Variants in CCDC154 observed in about 807,000 individuals in gnomAD.
The protein encoded by CCDC154 is coiled-coil domain-containing protein 154.
A neutral mutation model predicts 87.5 loss-of-function variants in CCDC154; 91 were observed. That is an observed-to-expected ratio of 1.04 (90% CI 0.88 to 1.24). CCDC154 has a LOEUF of 1.24. Among genes scored for constraint, CCDC154 ranks in the 50% most tolerant of loss-of-function variants. The pLI, the probability that CCDC154 is intolerant of heterozygous loss-of-function variation, is 0.00. For missense variants in CCDC154, 903 were observed against 879.2 expected (o/e 1.03, Z -0.34); for synonymous variants, 418 against 400.4 (o/e 1.04, Z -0.52).
chr16:1,434,571 G>A (rs772323459), intron 16 of CCDC154, 37 bp from the exon 17 acceptor site: 44 of 723,714 alleles, frequency 6.1e-5, no homozygotes, highest in East Asian at 1.5e-4. Context: ...CTGCACCCCC[G>A]CCCCACCCCC....
At chr16:1,439,004 C>A in intron 7 of CCDC154, 21 bp downstream of exon 7, 1 of 1,550,080 alleles carries the variant, frequency 6.5e-7, no homozygotes, top group Non-Finnish European at 8.7e-7. Flanking sequence ...CAGGGCAGGC[C>A]AGCCGCGGGC....
chr16:1,435,102 G>C lies in CCDC154; in HGVS notation c.1679C>G (p.Thr560Ser). The change falls in exon 15 of 17, where the codon ACT becomes AGT. Residue 560 changes from threonine (T) to serine (S), a missense_variant. By Grantham distance (58) the Thr-to-Ser change is moderately conservative. Coordinates refer to ENST00000389176, the MANE Select transcript of CCDC154 (RefSeq NM_001143980.3). ...NKTIQNLRFNTEARLRTQEMA... is the reference protein window; with the variant it reads ...NKTIQNLRFNSEARLRTQEMA... ...AGGCCTCCTCACCAGCCGGGCCTCA[G>C]TGTTGAACCTGAGGTTCTGGATGGT... is the stretch of plus-strand genomic sequence containing the variant. 6.5e-7 allele frequency: 1 copy of C among 1,549,792 alleles called. No individual in the cohort carries two copies. The highest frequency in any genetic ancestry group is 8.7e-7 in the Non-Finnish European group (1 of 1,146,794).
Position 1,438,687 on chromosome 16 carries a change from C to T in CCDC154, c.957G>A (p.Gln319=), listed in dbSNP as rs1384252211. Residue 319 remains glutamine, a synonymous_variant, in exon 9 of 17, where the codon CAG becomes CAA. Coordinates refer to ENST00000389176, the MANE Select transcript of CCDC154 (RefSeq NM_001143980.3). ...GGTTCTGCTGCACAAACTTGGTCAG[C>T]TGGGCCACGGCAGCATCCAGGCCCT... ...QCQGLDAAVA[Q]LTKFVQQNQA... The T allele has an allele frequency of 2.1e-5, 33 of 1,549,988 alleles. No homozygotes were observed. The highest frequency in any genetic ancestry group is 2.7e-5 in the African/African-American group (2 of 73,048).
Position 1,436,035 on chromosome 16 carries a change from G to A in CCDC154, c.1539C>T (p.Ser513=), listed in dbSNP as rs574497448. 151 of 1,550,366 alleles carry A rather than the reference G, an allele frequency of 9.7e-5. No individual in the cohort carries two copies. The highest frequency in any genetic ancestry group is 4.1e-4 in the Admixed American group (21 of 51,008). Residue 513 remains serine, a synonymous_variant, in exon 14 of 17, where the codon TCC becomes TCT. Transcript: ENST00000389176. ...GGTTGTCTTCCTTTAGCAGCTGCAC[G>A]GATGATAGTAGCGTGGCCAGCTCCT... ...LRQELATLLS[S]VQLLKEDNPG... is the part of the protein sequence containing the mutation.
chr16:1,443,094 G>A, intron 4 of CCDC154, 119 bp from the exon 5 acceptor site: 1 of 1,394,300 alleles, frequency 7.2e-7, no homozygotes, highest in Non-Finnish European at 9.9e-7. Context: ...GCCTCTGAAG[G>A]CCGCCCAGGC....
At chr16:1,439,456 C>T in intron 6 of CCDC154, 1 of 371,204 alleles carries the variant, frequency 2.7e-6, no homozygotes, top group Non-Finnish European at 4.9e-6. Context: ...GAGTGTCGTG[C>T]AGGTGTCCCC....
Position 1,438,069 on chromosome 16 carries a change from A to G in CCDC154, c.1133T>C (p.Met378Thr). ...CCTCACCAGCACCAGCTCTCCATGC[A>G]TCTCCTGCCGGGCCAGCTCGCCAGC... ...QLAGELARQE[M>T]HGELVLLREK... Residue 378 changes from methionine to threonine, a missense_variant, in exon 10 of 17, where the codon ATG (methionine) becomes ACG (threonine). Transcript: ENST00000389176. 1.9e-6 allele frequency: 3 copies of G among 1,548,286 alleles called. No homozygotes were observed. Among genetic ancestry groups the G allele is most frequent in the Non-Finnish European group, 2.6e-6 (3 of 1,145,750 alleles).
chr16:1,443,798 C>T lies in CCDC154; in HGVS notation c.222G>A (p.Gln74=), dbSNP rs1237565552. The change falls in exon 2 of 17, where the codon CAG becomes CAA. Residue 74 remains glutamine, a splice_region_variant and synonymous_variant. Coordinates refer to ENST00000389176, the MANE Select transcript of CCDC154 (RefSeq NM_001143980.3). The part of the protein sequence containing the change: ...DTAKHWNQLE[Q]WVVELQAEVA... Reference sequence around the variant, plus strand: ...CCAGCACCCCCTGCAGGGCTCACCACTGCTCCAGCTGGTTCCAGTGCTTGG... The same window carrying T: ...CCAGCACCCCCTGCAGGGCTCACCATTGCTCCAGCTGGTTCCAGTGCTTGG... 2 of 1,304,984 alleles carry T rather than the reference C, an allele frequency of 1.5e-6. No homozygotes were observed. Among genetic ancestry groups the T allele is most frequent in the Non-Finnish European group, 2.0e-6 (2 of 989,744 alleles). The allele number at this position is 1,304,984 out of a possible 1,614,324, so 80.8% of individuals were successfully genotyped here.
At chr16:1,441,944 A>C (rs2038555884) in intron 6 of CCDC154, among the ~76,000 whole-genome samples, 1 of 151,714 alleles carries the variant, frequency 6.6e-6, no homozygotes, top group African/African-American at 2.4e-5. Context: ...GTTTTTTGAA[A>C]TGGAGTCTCA....
rs568118410 is a variant in CCDC154, at chr16:1,435,756, C to T, written c.1605+213G>A. On this transcript the variant is annotated intron_variant, in intron 14 of 16. Transcript: ENST00000389176. ...GGTCAGGCGGGTCTCAAACTCCTGA[C>T]CTCAGGTGATCCACCCGCCTCGGCC... Among the ~76,000 whole-genome samples, 49 of 152,224 alleles carry T rather than the reference C, an allele frequency of 3.2e-4. No homozygotes were observed. In the East Asian group the frequency reaches 9.3e-3, roughly 29 times the overall value.
rs1252549667 is a variant in CCDC154 at position 1,434,793 on chromosome 16, G to A, written c.1752C>T (p.Gly584=). ...ESVLRLWSEE[G]PRTPLGSWKA... ...TCCAGCTGCCCAGCGGCGTCCGCGG[G>A]CCCTCCTCACTCCACAGCCGGAGCA... Residue 584 remains glycine (G), a synonymous_variant, in exon 16 of 17, where the codon GGC becomes GGT. Coordinates refer to ENST00000389176, the MANE Select transcript of CCDC154 (RefSeq NM_001143980.3). 22 of 1,540,332 alleles carry A rather than the reference G, an allele frequency of 1.4e-5. No individual in the cohort carries two copies. In the East Asian group the frequency reaches 5.4e-4, roughly 38 times the overall value.
intron 11 of CCDC154, 154 bp downstream of exon 11, chr16:1,437,663 G>A (rs901145447): frequency 9.8e-5 from 91 of 928,512 alleles, no homozygotes; most frequent in African/African-American, 3.1e-4. Context: ...TCTGGGGCTC[G>A]GGGTCTCCCA....
intron 4 of CCDC154, 36 bp downstream of exon 4, chr16:1,443,225 G>A (rs112357662): frequency 2.9e-5 from 45 of 1,544,500 alleles, no homozygotes; most frequent in African/African-American, 4.1e-5. Context: ...CCACCTCCCC[G>A]CCCTGGGCCT....
chr16:1,437,770 G>A lies in CCDC154; in HGVS notation c.1290+47C>T, dbSNP rs567602674. 1.6e-4 allele frequency: 238 copies of A among 1,493,854 alleles called. 4 individuals carry two copies. The South Asian group carries it at 2.8e-3, about 17-fold the overall frequency. The allele number at this position is 1,493,854 out of a possible 1,614,324, so 92.5% of individuals were successfully genotyped here. On this transcript the variant is annotated intron_variant, in intron 11 of 16. Transcript: ENST00000389176. ...GTGGTGGGCTGAGAGCTGGAGGGGT[G>A]GGGACTCCCCATAGCCCCGCCTGCC... is the stretch of plus-strand genomic sequence containing the variant.
At chr16:1,437,992 G>A (rs1404040401) in intron 10 of CCDC154, 38 bp from the exon 11 acceptor site, 11 of 1,537,098 alleles carry the variant, frequency 7.2e-6, no homozygotes, top group Non-Finnish European at 9.7e-6. Flanking sequence ...GCCTGGCTGA[G>A]CGCCCATCCC....
rs1243648381 is a variant in CCDC154, at chr16:1,444,004, C to T, written c.16G>A (p.Asp6Asn). 1.5e-6 allele frequency: 2 copies of T among 1,299,888 alleles called. No individual in the cohort carries two copies. Among genetic ancestry groups the T allele is most frequent in the South Asian group, 2.5e-5 (2 of 81,032 alleles). The allele number at this position is 1,299,888 out of a possible 1,614,324, so 80.5% of individuals were successfully genotyped here. A position where few individuals can be genotyped will look rare whatever the true frequency, so the allele number is the denominator to read the frequency against. The change falls in exon 2 of 17, where the codon GAC becomes AAC. Residue 6 changes from aspartate (D) to asparagine (N), a missense_variant. Coordinates refer to ENST00000389176, the MANE Select transcript of CCDC154 (RefSeq NM_001143980.3). MSELA[D>N]SGPSGASAPS... ...GCCGATGCCCCTGAGGGTCCACTGTCAGCCAACTCTACAAGGAGGCATCTT... is the reference window on the plus strand; with the variant it reads ...GCCGATGCCCCTGAGGGTCCACTGTTAGCCAACTCTACAAGGAGGCATCTT...
At chr16:1,443,347 C>T (rs975415718) in intron 3 of CCDC154, 46 bp from the exon 4 acceptor site, 7 of 1,531,506 alleles carry the variant, frequency 4.6e-6, no homozygotes, top group Non-Finnish European at 6.1e-6. Flanking sequence ...AGGCCCGGGT[C>T]TGGCACCTGC....
intron 2 of CCDC154, 26 bp downstream of exon 2, chr16:1,443,770 C>T (rs1346743562): frequency 2.3e-6 from 3 of 1,304,812 alleles, no homozygotes; most frequent in Non-Finnish European, 3.0e-6. Context: ...TGGTCCTCCC[C>T]CGCCAGCACC....
rs770923765 is a variant in CCDC154, at chr16:1,444,016, C to G, written c.8-4G>C. ...GAGGGTCCACTGTCAGCCAACTCTA[C>G]AAGGAGGCATCTTGGGAGCTTGCCC... On this transcript the variant is annotated splice_polypyrimidine_tract_variant and splice_region_variant and intron_variant, in intron 1 of 16. Coordinates refer to ENST00000389176, the MANE Select transcript of CCDC154 (RefSeq NM_001143980.3). 5.4e-6 allele frequency: 7 copies of G among 1,297,992 alleles called. No individual in the cohort carries two copies. Among genetic ancestry groups the G allele is most frequent in the Non-Finnish European group, 6.1e-6 (6 of 988,774 alleles). The allele number at this position is 1,297,992 out of a possible 1,614,324, so 80.4% of individuals were successfully genotyped here. A position where few individuals can be genotyped will look rare whatever the true frequency, so the allele number is the denominator to read the frequency against.
Sources: gnomAD v4.1 joint callset for allele counts (sites outside exome capture counted in the v4.1 genomes callset) on GRCh38, gnomAD v4.1.1 for gene constraint, MANE v1.5 for transcripts, NCBI Gene and HGNC (gene_info 2026-07-23, HGNC 2026-07-21) for gene names.